Variants in TNRC6A observed in about 807,000 individuals in gnomAD.
TNRC6A encodes the protein trinucleotide repeat-containing gene 6A protein.
TNRC6A carries 44 observed loss-of-function variants against 221.2 expected under a neutral mutation model. The ratio of observed to expected loss-of-function variants is 0.20; its 90% confidence interval spans 0.16 to 0.26. The LOEUF is 0.26. Among genes scored for constraint, TNRC6A ranks in the 10% least tolerant of loss-of-function variants. The pLI is 1.00. For synonymous variants in TNRC6A, 847 were observed against 838.5 expected, an observed-to-expected ratio of 1.01 and a Z score of -0.18; for missense variants, 2,199 against 2,404.4, an observed-to-expected ratio of 0.91 and a Z score of 1.79.
Position 24,777,011 on chromosome 16 carries a change from C to G in TNRC6A, c.242C>G (p.Thr81Ser), listed in dbSNP as rs768107642. The part of the protein sequence containing the change: ...SNNGTSTATS[T>S]NNNAKRATAN... ...AACGGCACTTCCACAGCAACCAGCA[C>G]TAATAATAATGCCAAGCGAGCTACA... The change falls in exon 5 of 25, where the codon ACT (threonine) becomes AGT (serine). Residue 81 changes from threonine to serine, a missense_variant. By Grantham distance (58) the Thr-to-Ser change is moderately conservative (BLOSUM62 1). Transcript: ENST00000395799. 8 of 1,614,002 alleles carry G rather than the reference C, an allele frequency of 5.0e-6. No individual in the cohort carries two copies. The East Asian group carries it at 1.6e-4, about 31-fold the overall frequency.
At chr16:24,663,250 C>G (rs375094074) in intron 2 of TNRC6A, 3 of 154,016 alleles carry the variant, frequency 1.9e-5, no homozygotes, top group African/African-American at 7.2e-5. Flanking sequence ...TGGAAGGATG[C>G]GGATTAAAAA....
chr16:24,794,118 G>C (rs1043998499), intron 7 of TNRC6A, among the ~76,000 whole-genome samples: 2 of 152,076 alleles, frequency 1.3e-5, no homozygotes, highest in Non-Finnish European at 2.9e-5. Context: ...GAATCCCAAG[G>C]GCCATGTGTG....
chr16:24,714,527 G>T (rs527684523), intron 2 of TNRC6A, among the ~76,000 whole-genome samples: 1 of 151,668 alleles, frequency 6.6e-6, no homozygotes, highest in South Asian at 2.1e-4. Flanking sequence ...GGATGGTCTC[G>T]ATCTCCTGAC....
intron 19 of TNRC6A, 130 bp from the exon 20 acceptor site, chr16:24,816,686 T>TA: frequency 9.3e-7 from 1 of 1,081,036 alleles, no homozygotes; most frequent in South Asian, 1.7e-5. Flanking sequence ...ACCATCCTCT[T>TA]AGAGTATTAG....
chr16:24,797,651 A>G (rs920069593), intron 10 of TNRC6A, 81 bp downstream of exon 10: 4 of 1,233,450 alleles, frequency 3.2e-6, no homozygotes, highest in Non-Finnish European at 4.5e-6. Flanking sequence ...TTTAAGAATT[A>G]TTTTTCATCT....
intron 2 of TNRC6A, among the ~76,000 whole-genome samples, chr16:24,718,992 G>A (rs1315566342): frequency 6.8e-6 from 1 of 147,468 alleles, no homozygotes; most frequent in Non-Finnish European, 1.5e-5. Flanking sequence ...AGCCGAGATC[G>A]CACCACTGTA....
intron 2 of TNRC6A, among the ~76,000 whole-genome samples, chr16:24,747,935 T>A (rs1186619920): frequency 1.3e-5 from 2 of 152,056 alleles, no homozygotes; most frequent in Non-Finnish European, 1.5e-5. Context: ...TATAGTGACA[T>A]AGAAGATCAG....
At chr16:24,680,929 A>T (rs942379348) in intron 2 of TNRC6A, among the ~76,000 whole-genome samples, 3 of 147,240 alleles carry the variant, frequency 2.0e-5, no homozygotes, top group Non-Finnish European at 4.5e-5. Flanking sequence ...TCGGCTAATT[A>T]AAAAAAAAAA....
intron 2 of TNRC6A, among the ~76,000 whole-genome samples, chr16:24,660,220 C>T (rs754201866): frequency 1.9e-4 from 29 of 152,084 alleles, no homozygotes; most frequent in Non-Finnish European, 4.0e-4. Flanking sequence ...ACCTTTATCC[C>T]TCACCCCCTT....
chr16:24,788,969 T>C (rs558098488), intron 5 of TNRC6A, among the ~76,000 whole-genome samples: 2 of 152,270 alleles, frequency 1.3e-5, no homozygotes, highest in South Asian at 4.2e-4. Flanking sequence ...TATTTACCGA[T>C]ATGTTAACAA....
chr16:24,823,385 C>G lies in TNRC6A; in HGVS notation c.5514-47C>G. ...CCCTCACTTGTGAGTGAATGAAGCCCTCCTGGTGTGCTGTCCTCACGTGTC... is the reference window on the plus strand; with the variant it reads ...CCCTCACTTGTGAGTGAATGAAGCCGTCCTGGTGTGCTGTCCTCACGTGTC... On this transcript the variant is annotated intron_variant, in intron 24 of 24. Coordinates refer to ENST00000395799, the MANE Select transcript of TNRC6A (RefSeq NM_014494.4). This position sits in a 1 kb window ranked among gnomAD's most constrained non-coding sequence, Gnocchi z 4.3. The G allele has an allele frequency of 6.4e-7, 1 of 1,553,802 alleles. No individual in the cohort carries two copies. The highest frequency in any genetic ancestry group is 1.2e-5 in the South Asian group (1 of 80,740).
At chr16:24,626,719 C>T (rs372420139) in intron 1 of TNRC6A, among the ~76,000 whole-genome samples, 1 of 149,552 alleles carries the variant, frequency 6.7e-6, no homozygotes, top group African/African-American at 2.5e-5. Context: ...GCACTATCTC[C>T]GCTCACTGCA....
chr16:24,721,876 A>G (rs915458252), intron 2 of TNRC6A, among the ~76,000 whole-genome samples: 3 of 152,236 alleles, frequency 2.0e-5, no homozygotes, highest in Admixed American at 2.0e-4. Flanking sequence ...CACGTTTAGC[A>G]AGAGGAGTCA....
At chr16:24,703,266 C>T (rs1464691901) in intron 2 of TNRC6A, among the ~76,000 whole-genome samples, 2 of 152,106 alleles carry the variant, frequency 1.3e-5, no homozygotes, top group East Asian at 1.9e-4. Context: ...TTTACCTATT[C>T]GAGACATTTC....
chr16:24,670,992 T>C, intron 2 of TNRC6A: 1 of 406,248 alleles, frequency 2.5e-6, no homozygotes, highest in Non-Finnish European at 5.1e-6. Context: ...GTGATCCCAG[T>C]CTCCTGGCAG....
At chr16:24,800,773 G>C (rs1355166352) in intron 11 of TNRC6A, among the ~76,000 whole-genome samples, 1 of 152,168 alleles carries the variant, frequency 6.6e-6, no homozygotes, top group Non-Finnish European at 1.5e-5. Context: ...GGGGAATGCT[G>C]GGAGAAGCTC....
intron 2 of TNRC6A, among the ~76,000 whole-genome samples, chr16:24,659,312 A>G (rs1596612952): frequency 2.0e-5 from 3 of 152,154 alleles, no homozygotes; most frequent in Non-Finnish European, 4.4e-5. Flanking sequence ...AGGTTTTGCT[A>G]TGTATTAATT....
intron 2 of TNRC6A, among the ~76,000 whole-genome samples, chr16:24,696,816 G>A (rs2055875369): frequency 6.6e-6 from 1 of 150,972 alleles, no homozygotes; most frequent in South Asian, 2.1e-4. Context: ...GGAAAGAAGG[G>A]CTTTCATATT....
chr16:24,704,290 G>A (rs1416245487), intron 2 of TNRC6A, among the ~76,000 whole-genome samples: 2 of 151,780 alleles, frequency 1.3e-5, no homozygotes, highest in Non-Finnish European at 2.9e-5. Flanking sequence ...CTGGTGGGGG[G>A]CGGGAGGGCA....
Sources: allele counts gnomAD v4.1 joint callset (sites outside exome capture counted in the v4.1 genomes callset), GRCh38; gene constraint gnomAD v4.1.1; non-coding constraint Gnocchi (gnomAD v3.1); transcripts MANE v1.5; gene names NCBI Gene and HGNC (gene_info 2026-07-23, HGNC 2026-07-21).